The following CASP8 variants were observed in gnomAD, a reference collection of about 807,000 sequenced individuals.
CASP8 encodes caspase 8.
CASP8 carries 24 observed loss-of-function variants against 46.3 expected under a neutral mutation model. The ratio of observed to expected loss-of-function variants is 0.52; its 90% CI spans 0.38 to 0.73. CASP8 has a LOEUF of 0.73. Ranked by LOEUF, CASP8 falls within the 30% of genes least tolerant of loss-of-function variation. The pLI, the probability that CASP8 is intolerant of heterozygous loss-of-function variation, is 0.00. For synonymous variants in CASP8, 188 were observed against 200.4 expected (o/e 0.94, Z 0.52); for missense variants, 460 against 559.0 (o/e 0.82, Z 1.79).
chr2:201,243,340 T>C (rs1258341563), intron 2 of CASP8, among the ~76,000 whole-genome samples: 3 of 152,182 alleles, frequency 2.0e-5, no homozygotes, highest in Non-Finnish European at 4.4e-5. Context: ...TTAAAAGCAA[T>C]GAATAGTCAA....
intron 7 of CASP8, among the ~76,000 whole-genome samples, chr2:201,282,845 G>T (rs1164927873): frequency 6.3e-5 from 5 of 79,212 alleles, no homozygotes; most frequent in Admixed American, 1.0e-4. Context: ...CCTCCCGGAC[G>T]GGGCGGCTGG....
rs1477880745 is a variant in CASP8, at chr2:201,266,971, C to A, written c.305+180C>A. On this transcript the variant is annotated intron_variant, in intron 2 of 8. Transcript: ENST00000673742. The surrounding 1 kb of genome is among the most constrained non-coding windows in gnomAD (Gnocchi z 5.7). Reference sequence around the variant, plus strand: ...GGTGGTCCTGCTAAAGGCTGTAAAACTTAGCTTCTCCCCACCCTAGAGAGA... The same window carrying A: ...GGTGGTCCTGCTAAAGGCTGTAAAAATTAGCTTCTCCCCACCCTAGAGAGA... Among the ~76,000 whole-genome samples, 1 of 152,070 alleles carries A rather than the reference C, an allele frequency of 6.6e-6. No individual in the cohort carries two copies. Among genetic ancestry groups the A allele is most frequent in the African/African-American group, 2.4e-5 (1 of 41,402 alleles).
At chr2:201,282,692 G>A in intron 7 of CASP8, among the ~76,000 whole-genome samples, 1 of 81,226 alleles carries the variant, frequency 1.2e-5, no homozygotes, top group East Asian at 3.7e-4. Context: ...CGGGCGGGGG[G>A]CTGTTCCCCC....
chr2:201,264,789 G>T (rs968280647), intron 1 of CASP8, among the ~76,000 whole-genome samples: 1 of 152,022 alleles, frequency 6.6e-6, no homozygotes. Context: ...CCAAGATTGC[G>T]CCCTGCACTC....
chr2:201,247,974 C>T (rs2124970554), intron 2 of CASP8, among the ~76,000 whole-genome samples: 1 of 152,010 alleles, frequency 6.6e-6, no homozygotes, highest in South Asian at 2.1e-4. Flanking sequence ...AGATGGGGGT[C>T]TCACTATGTT....
At chr2:201,282,877 T>G (rs1949194571) in intron 7 of CASP8, among the ~76,000 whole-genome samples, 1 of 59,536 alleles carries the variant, frequency 1.7e-5, no homozygotes, top group African/African-American at 5.2e-5. Context: ...GGCTCCTCAC[T>G]TCCCAGTAGG....
At chr2:201,263,770 GCA>G (rs1947595202) in intron 1 of CASP8, among the ~76,000 whole-genome samples, 1 of 152,158 alleles carries the variant, frequency 6.6e-6, no homozygotes. Context: ...TGACCTAATG[GCA>G]CTAAACAGGG....
In CASP8 at chr2:201,286,918, C is replaced by T. The variant is rs1227441435; in HGVS notation, c.*324C>T. ...ACAGGCGTGAGCCACCGCGCCTGGC[C>T]GATGGTACTATTTAGATATAACACT... On this transcript the variant is annotated 3_prime_UTR_variant, in exon 9 of 9. Coordinates refer to ENST00000673742, the MANE Select transcript of CASP8 (RefSeq NM_001372051.1). 3 of 339,012 alleles carry T rather than the reference C, an allele frequency of 8.8e-6. No individual in the cohort carries two copies. The highest frequency in any genetic ancestry group is 4.2e-5 in the Admixed American group (1 of 23,568). 21.0% of individuals were successfully genotyped at this position (339,012 alleles called of 1,614,324 possible).
In CASP8 at chr2:201,276,920, C is replaced by T. The variant is rs2125320666; in HGVS notation, c.754C>T (p.Pro252Ser). 1 of 1,613,942 alleles carries T rather than the reference C, an allele frequency of 6.2e-7. No homozygotes were observed. The highest frequency in any genetic ancestry group is 8.5e-7 in the Non-Finnish European group (1 of 1,179,886). The change falls in exon 7 of 9, where the codon CCC becomes TCC. Residue 252 changes from proline to serine, a missense_variant. Coordinates refer to ENST00000673742, the MANE Select transcript of CASP8 (RefSeq NM_001372051.1). ...TTTTGCAAAAGCACGGGAGAAAGTG[C>T]CCAAACTTCACAGCATTAGGGACAG... is the stretch of plus-strand genomic sequence containing the variant. The part of the protein sequence containing the change: ...HNFAKAREKV[P>S]KLHSIRDRNG...
intron 2 of CASP8, among the ~76,000 whole-genome samples, chr2:201,245,813 C>A (rs1341275526): frequency 6.6e-6 from 1 of 151,760 alleles, no homozygotes; most frequent in Non-Finnish European, 1.5e-5. Flanking sequence ...TTTCCTGGCC[C>A]TTTGGCCAGA....
At chr2:201,245,723 C>T (rs769622419) in intron 2 of CASP8, among the ~76,000 whole-genome samples, 1 of 152,256 alleles carries the variant, frequency 6.6e-6, no homozygotes, top group Non-Finnish European at 1.5e-5. Context: ...GACCCTGCTG[C>T]TGCAGGCCAG....
chr2:201,245,305 G>A (rs1182868885), intron 2 of CASP8, among the ~76,000 whole-genome samples: 4 of 151,874 alleles, frequency 2.6e-5, no homozygotes, highest in Admixed American at 6.6e-5. Flanking sequence ...GAGTGCAGTG[G>A]CTCAATCTCA....
intron 2 of CASP8, among the ~76,000 whole-genome samples, chr2:201,247,066 G>A (rs796975474): frequency 1.3e-5 from 2 of 151,806 alleles, no homozygotes; most frequent in East Asian, 3.9e-4. Context: ...GCAGTGGCAG[G>A]CGCCTGTATT....
rs1200031580 is a variant in CASP8, at chr2:201,242,656, C to T, written c.-27+8544C>T. ...ACAAATTTGGTGTGATCTCTATTAA[C>T]ATCCCAATGGATTTTTTTTTTACAG... On this transcript the variant is annotated intron_variant, in intron 2 of 6. Coordinates refer to the CASP8 transcript ENST00000264274. 2.0e-5 allele frequency: 3 copies of T among 152,244 alleles called. No homozygotes were observed. In the East Asian group the frequency reaches 5.8e-4, roughly 29 times the overall value. 9.4% of individuals were successfully genotyped at this position (152,244 alleles called of 1,614,324 possible). A position where few individuals can be genotyped will look rare whatever the true frequency, so the allele number is the denominator to read the frequency against.
At chr2:201,253,053 T>C (rs1946856421) in intron 2 of CASP8, among the ~76,000 whole-genome samples, 4 of 152,052 alleles carry the variant, frequency 2.6e-5, no homozygotes, top group Admixed American at 2.6e-4. Context: ...GATGCAATCA[T>C]AGCTCACTGC....
At position 201,234,782 on chromosome 2, in the gene CASP8, GACC is replaced by G. The variant is rs1945978209; in HGVS notation, c.-27+673_-27+675del. Among the ~76,000 whole-genome samples, 3 of 151,938 alleles carry G rather than the reference GACC, an allele frequency of 2.0e-5. No homozygotes were observed. In the South Asian group the frequency reaches 6.2e-4, roughly 32 times the overall value. On this transcript the variant is annotated intron_variant, in intron 2 of 6. Transcript: ENST00000264274. Reference sequence around the variant, plus strand: ...CTGATTTCACATTTTTAGATAATATGACCACATTATAAAAATTTATGTATTTTT... The same window carrying G: ...CTGATTTCACATTTTTAGATAATATGACATTATAAAAATTTATGTATTTTT...
chr2:201,260,003 T>G, upstream of CASP8, among the ~76,000 whole-genome samples: 1 of 150,014 alleles, frequency 6.7e-6, no homozygotes, highest in African/African-American at 2.5e-5. Flanking sequence ...AATTTTAGAG[T>G]ATTTTAGGCT....
intron 7 of CASP8, among the ~76,000 whole-genome samples, chr2:201,282,226 CAT>C (rs1400945899): frequency 2.1e-5 from 1 of 47,102 alleles, no homozygotes; most frequent in African/African-American, 7.2e-5. Flanking sequence ...GGACACAGCA[CAT>C]GTTTCAGAGA....
In CASP8 at chr2:201,240,834, C is replaced by T. The variant is rs538662041; in HGVS notation, c.-27+6722C>T. 1.1e-3 allele frequency: 170 copies of T among 152,202 alleles called. 1 individual carries two copies. Among genetic ancestry groups the T allele is most frequent in the African/African-American group, 3.7e-3 (154 of 41,512 alleles). 9.4% of individuals were successfully genotyped at this position (152,202 alleles called of 1,614,324 possible). ...ACTGAAATCATACCATGTATCTTTT[C>T]TGACCATGATGGAATGAAACTAAAA... On this transcript the variant is annotated intron_variant, in intron 2 of 6. Transcript: ENST00000264274.
Sources: allele counts gnomAD v4.1 joint callset (sites outside exome capture counted in the v4.1 genomes callset), GRCh38; gene constraint gnomAD v4.1.1; non-coding constraint Gnocchi (gnomAD v3.1); transcripts MANE v1.5; gene names NCBI Gene and HGNC (gene_info 2026-07-23, HGNC 2026-07-21).